The following KLF13 variants were observed in gnomAD, a reference collection of about 807,000 sequenced individuals.
KLF13 encodes Krueppel-like factor 13.
A neutral mutation model predicts 16.7 loss-of-function variants in KLF13; 8 were observed. The ratio of observed to expected loss-of-function variants is 0.48; its 90% CI spans 0.28 to 0.87. The LOEUF (loss-of-function observed/expected upper bound fraction) is 0.87, where lower values mean the gene tolerates loss of function less well. KLF13 is among the 40% of genes least tolerant of loss of function. The pLI is 0.10. For synonymous variants in KLF13, 245 were observed against 208.4 expected (o/e 1.18, Z -1.51); for missense variants, 447 against 452.2 (o/e 0.99, Z 0.10).
At chr15:31,357,001 G>T (rs1315528803) in intron 1 of KLF13, among the ~76,000 whole-genome samples, 1 of 152,168 alleles carries the variant, frequency 6.6e-6, no homozygotes, top group African/African-American at 2.4e-5. Flanking sequence ...GGAGCTGTTG[G>T]TCTGATCCTT....
intron 1 of KLF13, among the ~76,000 whole-genome samples, chr15:31,354,655 G>T (rs1302277766): frequency 6.6e-6 from 1 of 152,132 alleles, no homozygotes; most frequent in African/African-American, 2.4e-5. Context: ...AAAGTGCTGG[G>T]ATTACAGGCG....
At chr15:31,384,337 C>T (rs2039768722) in intron 1 of KLF13, among the ~76,000 whole-genome samples, 1 of 152,008 alleles carries the variant, frequency 6.6e-6, no homozygotes, top group African/African-American at 2.4e-5. Flanking sequence ...GAGGCTGAGG[C>T]AGGAGAATGG....
intron 1 of KLF13, among the ~76,000 whole-genome samples, chr15:31,353,981 C>T (rs2039259674): frequency 6.6e-6 from 1 of 152,246 alleles, no homozygotes; most frequent in Non-Finnish European, 1.5e-5. Flanking sequence ...CTCCCCTGAG[C>T]CCTTCAGACT....
At chr15:31,392,567 G>A (rs1442053079), upstream of KLF13, among the ~76,000 whole-genome samples, 9 of 152,220 alleles carry the variant, frequency 5.9e-5, no homozygotes, top group Non-Finnish European at 1.5e-5. Flanking sequence ...GCCCCTGAAG[G>A]GGCCTGCAGG....
chr15:31,357,457 G>A (rs771758781), intron 1 of KLF13, among the ~76,000 whole-genome samples: 6 of 152,232 alleles, frequency 3.9e-5, no homozygotes, highest in Non-Finnish European at 7.3e-5. Flanking sequence ...GCTCAGCGAC[G>A]GTGGCCTCCT....
intron 1 of KLF13, among the ~76,000 whole-genome samples, chr15:31,433,504 C>G (rs1158198566): frequency 6.6e-6 from 1 of 152,120 alleles, no homozygotes; most frequent in African/African-American, 2.4e-5. Context: ...CCACCAGGGT[C>G]CCCCCCTTCC....
Position 31,377,427 on chromosome 15 carries a change from T to G in KLF13, c.*5128T>G, listed in dbSNP as rs1354489367. 1 of 152,602 alleles carries G rather than the reference T, an allele frequency of 6.6e-6. No homozygotes were observed. Among genetic ancestry groups the G allele is most frequent in the Non-Finnish European group, 1.5e-5 (1 of 68,074 alleles). The allele number at this position is 152,602 out of a possible 1,614,324, so 9.5% of individuals were successfully genotyped here. On this transcript the variant is annotated 3_prime_UTR_variant, in exon 2 of 2. Transcript: ENST00000307145. ...CGGGTTTGGGGCTTTCGGTGGTTCCTTGGTGACTGGGAATTGCTTGTGTGC... is the reference window on the plus strand; with the variant it reads ...CGGGTTTGGGGCTTTCGGTGGTTCCGTGGTGACTGGGAATTGCTTGTGTGC...
intron 1 of KLF13, among the ~76,000 whole-genome samples, chr15:31,353,233 C>G (rs576566781): frequency 6.6e-6 from 1 of 152,324 alleles, no homozygotes; most frequent in South Asian, 2.1e-4. Context: ...CCCTGGTCAT[C>G]CAGTAGTTAC....
chr15:31,406,251 C>A (rs983859387), downstream of KLF13, among the ~76,000 whole-genome samples: 1 of 152,018 alleles, frequency 6.6e-6, no homozygotes, highest in Non-Finnish European at 1.5e-5. Flanking sequence ...CCAAGGCAGG[C>A]GGATCACCTG....
chr15:31,327,378 A>G lies in KLF13; in HGVS notation c.166A>G (p.Lys56Glu). 1 of 1,289,416 alleles carries G rather than the reference A, an allele frequency of 7.8e-7. No individual in the cohort carries two copies. Among genetic ancestry groups the G allele is most frequent in the Non-Finnish European group, 9.8e-7 (1 of 1,018,904 alleles). The allele number at this position is 1,289,416 out of a possible 1,614,324, so 79.9% of individuals were successfully genotyped here. A position where few individuals can be genotyped will look rare whatever the true frequency, so the allele number is the denominator to read the frequency against. ...LPRVEERRDG[K>E]DSASLFVVAR... ...CCGCGTCGAGGAGCGCCGCGACGGT[A>G]AGGACAGCGCCTCGCTCTTCGTGGT... The change falls in exon 1 of 2, where the codon AAG becomes GAG. Residue 56 changes from lysine (K) to glutamate (E), a missense_variant. By Grantham distance (56) the Lys-to-Glu change is moderately conservative (BLOSUM62 1). Transcript: ENST00000307145.
At chr15:31,420,982 C>A (rs1487107508) in intron 1 of KLF13, among the ~76,000 whole-genome samples, 1 of 152,144 alleles carries the variant, frequency 6.6e-6, no homozygotes, top group East Asian at 1.9e-4. Flanking sequence ...CATGAGCCAC[C>A]ATGCCTGGCT....
upstream of KLF13, chr15:31,392,780 TG>T: frequency 6.6e-6 from 1 of 152,032 alleles, no homozygotes; most frequent in Admixed American, 6.5e-5. Flanking sequence ...GAGCCCCATC[TG>T]GGGCCCCACA....
chr15:31,413,206 A>AAAAAAAAAAAAAAC (rs1566843740), intron 1 of KLF13, among the ~76,000 whole-genome samples: 23 of 145,448 alleles, frequency 1.6e-4, no homozygotes, highest in Non-Finnish European at 2.4e-4. Flanking sequence ...AAAAAAACAA[A>AAAAAAAAAAAAAAC]AAACAAAAAA....
chr15:31,365,493 G>A (rs541243102), intron 1 of KLF13, among the ~76,000 whole-genome samples: 23 of 152,246 alleles, frequency 1.5e-4, no homozygotes, highest in African/African-American at 5.1e-4. Context: ...TCTGGCCCCA[G>A]CTTGGTACCG....
At chr15:31,327,939 CCGCGGCTGGCCCCGCGCGTCG>C in intron 1 of KLF13, 150 bp downstream of exon 1, 1 of 946,622 alleles carries the variant, frequency 1.1e-6, no homozygotes, top group South Asian at 5.0e-5. Flanking sequence ...CCGCTCCGAC[CCGCGGCTGGCCCCGCGCGTCG>C]CGCGAGGCGG....
intron 1 of KLF13, among the ~76,000 whole-genome samples, chr15:31,345,795 A>G (rs796543263): frequency 1.2e-4 from 19 of 152,200 alleles, no homozygotes; most frequent in African/African-American, 4.6e-4. Context: ...AGCCTGGTGT[A>G]AAGTCGTCAG....
chr15:31,422,349 A>T (rs2040338875), intron 1 of KLF13, among the ~76,000 whole-genome samples: 2 of 152,178 alleles, frequency 1.3e-5, no homozygotes, highest in African/African-American at 4.8e-5. Context: ...GGAAACTTAC[A>T]ATCACGGTGA....
rs1383449867 is a variant in KLF13, at chr15:31,433,123, T to C, written n.118-2247T>C. Among the ~76,000 whole-genome samples the C allele has an allele frequency of 5.3e-4, 80 of 152,202 alleles. 2 individuals are homozygous for C. Among genetic ancestry groups the C allele is most frequent in the Non-Finnish European group, 2.9e-5 (2 of 68,038 alleles). ...ACAATGAAGCTACTGAGAAACTGTT[T>C]GATCTTGTTGGGTCTTGCTTTTATG... On this transcript the variant is annotated intron_variant and non_coding_transcript_variant, in intron 1 of 1. Transcript: ENST00000558225.
chr15:31,368,927 C>T (rs2039516720), intron 1 of KLF13, among the ~76,000 whole-genome samples: 1 of 152,178 alleles, frequency 6.6e-6, no homozygotes, highest in Admixed American at 6.5e-5. Context: ...ACTCCCTAGA[C>T]AGCAACACTT....
Sources: gnomAD v4.1 joint callset for allele counts (sites outside exome capture counted in the v4.1 genomes callset) on GRCh38, gnomAD v4.1.1 for gene constraint, MANE v1.5 for transcripts, NCBI Gene and HGNC (gene_info 2026-07-23, HGNC 2026-07-21) for gene names.